FAM149A: variants seen among roughly 807,000 people sequenced by gnomAD.
FAM149A encodes family with sequence similarity 149 member A, also known as protein FAM149A.
A neutral mutation model predicts 78.2 loss-of-function variants in FAM149A; 71 were observed. The observed-to-expected ratio is 0.91, with a 90% CI of 0.75 to 1.11. The LOEUF is 1.11. FAM149A is among the 50% of genes least tolerant of loss of function. The pLI, the probability that FAM149A is intolerant of heterozygous loss-of-function variation, is 0.00. For synonymous variants in FAM149A, 446 were observed against 410.5 expected (o/e 1.09, Z -1.04); for missense variants, 1,036 against 971.0 (o/e 1.07, Z -0.89).
chr4:186,138,093 C>T (rs1156701545), intron 1 of FAM149A, among the ~76,000 whole-genome samples: 2 of 152,190 alleles, frequency 1.3e-5, no homozygotes, highest in Non-Finnish European at 2.9e-5. Context: ...TACAGAAAAG[C>T]AGCTCCCTAT....
chr4:186,131,504 C>T (rs2099320722), intron 1 of FAM149A, among the ~76,000 whole-genome samples: 1 of 152,234 alleles, frequency 6.6e-6, no homozygotes, highest in Non-Finnish European at 1.5e-5. Flanking sequence ...CTTGGACTTC[C>T]AGGCTCCATA....
chr4:186,164,362 C>A lies in FAM149A; in HGVS notation c.1889+729C>A. 1 of 543,082 alleles carries A rather than the reference C, an allele frequency of 1.8e-6. No homozygotes were observed. The highest frequency in any genetic ancestry group is 2.3e-6 in the Non-Finnish European group (1 of 425,810). 33.6% of individuals were successfully genotyped at this position (543,082 alleles called of 1,614,324 possible). On this transcript the variant is annotated intron_variant, in intron 10 of 13. Coordinates refer to ENST00000389354, the MANE Select transcript of FAM149A (RefSeq NM_001367768.3). This position sits in a 1 kb window ranked among gnomAD's most constrained non-coding sequence, Gnocchi z 4.0. Reference sequence around the variant, plus strand: ...CCCGCCAGGAAGAGGCCCAGCCGGACACACCCACAAGTGCTCTCAGGCTTT... The same window carrying A: ...CCCGCCAGGAAGAGGCCCAGCCGGAAACACCCACAAGTGCTCTCAGGCTTT...
intron 8 of FAM149A, among the ~76,000 whole-genome samples, chr4:186,159,561 T>C (rs1182189112): frequency 1.3e-5 from 2 of 152,136 alleles, no homozygotes; most frequent in African/African-American, 4.8e-5. Context: ...CTGGATATGT[T>C]GTTTAGCTTT....
At chr4:186,158,296 T>C in intron 8 of FAM149A, 3 of 1,220,330 alleles carry the variant, frequency 2.5e-6, no homozygotes, top group Non-Finnish European at 3.1e-6. Flanking sequence ...GAGAGGCGTC[T>C]TGGCTAGCCC....
intron 1 of FAM149A, among the ~76,000 whole-genome samples, chr4:186,135,233 C>T (rs925379833): frequency 5.9e-5 from 9 of 152,202 alleles, no homozygotes; most frequent in African/African-American, 2.2e-4. Context: ...TGCCTCTACT[C>T]TCACGTTTTT....
intron 1 of FAM149A, among the ~76,000 whole-genome samples, chr4:186,120,067 G>A (rs987061833): frequency 2.0e-5 from 3 of 152,174 alleles, no homozygotes; most frequent in African/African-American, 7.2e-5. Context: ...ATTTTTATAA[G>A]CATGTTTCAC....
Position 186,157,733 on chromosome 4 carries a change from C to T in FAM149A, c.1575+14C>T, listed in dbSNP as rs754589782. The T allele has an allele frequency of 3.5e-5, 56 of 1,596,574 alleles. No individual in the cohort carries two copies. Among genetic ancestry groups the T allele is most frequent in the Admixed American group, 6.9e-5 (4 of 58,374 alleles). ...AACCCGCCCCAGGTCGGTGCTTTCACACCCTTCTCCCTCTTGCCTTCACTC... is the reference window on the plus strand; with the variant it reads ...AACCCGCCCCAGGTCGGTGCTTTCATACCCTTCTCCCTCTTGCCTTCACTC... On this transcript the variant is annotated intron_variant, in intron 8 of 13. Transcript: ENST00000389354.
intron 9 of FAM149A, 92 bp downstream of exon 9, chr4:186,163,040 A>C: frequency 1.3e-6 from 1 of 789,618 alleles, no homozygotes; most frequent in South Asian, 1.5e-5. Flanking sequence ...GAGATCACGA[A>C]GGTCCCATTT....
chr4:186,125,169 G>C, intron 1 of FAM149A: 4 of 726,820 alleles, frequency 5.5e-6, no homozygotes, highest in Non-Finnish European at 6.7e-6. Flanking sequence ...TCAATGACTG[G>C]ACTATTGGAA....
At chr4:186,151,015 C>G in intron 3 of FAM149A, 1 of 985,318 alleles carries the variant, frequency 1.0e-6, no homozygotes. Context: ...TCTTTGCTTT[C>G]TTTAAAAGTG....
chr4:186,160,490 C>G, intron 8 of FAM149A, among the ~76,000 whole-genome samples: 1 of 146,456 alleles, frequency 6.8e-6, no homozygotes, highest in Non-Finnish European at 1.5e-5. Context: ...ACACCACACA[C>G]TATACAAACA....
chr4:186,105,310 C>G lies in FAM149A; in HGVS notation c.234C>G (p.Tyr78Ter). Reference sequence around the variant, plus strand: ...CCGCCCCGCTGCTCTCCTCCCCCTACTCCCGGGGCTCCGCCGCCAGCCGCG... The same window carrying G: ...CCGCCCCGCTGCTCTCCTCCCCCTAGTCCCGGGGCTCCGCCGCCAGCCGCG... The change falls in exon 1 of 14, where the codon TAC becomes TAG. Residue 78 changes from tyrosine to a stop codon, truncating the protein, a stop_gained. Coordinates refer to ENST00000389354, the MANE Select transcript of FAM149A (RefSeq NM_001367768.3). LOFTEE classifies it high-confidence loss of function. The G allele has an allele frequency of 8.5e-7, 1 of 1,171,054 alleles. No individual in the cohort carries two copies. The highest frequency in any genetic ancestry group is 1.1e-6 in the Non-Finnish European group (1 of 940,784). 72.5% of individuals were successfully genotyped at this position (1,171,054 alleles called of 1,614,324 possible).
At chr4:186,160,968 T>G (rs983963383) in intron 8 of FAM149A, 10 of 736,888 alleles carry the variant, frequency 1.4e-5, no homozygotes, top group Middle Eastern at 6.9e-4. Context: ...CTGTGAGAAT[T>G]AAAGGAGATA....
intron 3 of FAM149A, among the ~76,000 whole-genome samples, chr4:186,150,122 C>A (rs1420353465): frequency 7.7e-6 from 1 of 129,958 alleles, no homozygotes; most frequent in African/African-American, 2.5e-5. Context: ...ACCTTCACCC[C>A]CTACCGCTGG....
chr4:186,129,962 A>C (rs923842947), intron 1 of FAM149A: 1 of 152,202 alleles, frequency 6.6e-6, no homozygotes, highest in South Asian at 2.1e-4. Flanking sequence ...CTCTGTGAGA[A>C]GATATAAGAA....
chr4:186,155,080 A>G (rs1346008117), intron 6 of FAM149A: 1 of 279,412 alleles, frequency 3.6e-6, no homozygotes, highest in Non-Finnish European at 5.4e-6. Context: ...CTCCTCCCTC[A>G]GCCTCCCGAG....
At position 186,175,275 on chromosome 4, in the gene FAM149A, TAA is replaced by T. The variant is rs1735679760; in HGVS notation, c.*3291_*3292del. 8.9e-6 allele frequency among the ~76,000 whole-genome samples: 1 copy of T among 112,138 alleles called. No individual in the cohort carries two copies. Among genetic ancestry groups the T allele is most frequent in the African/African-American group, 2.8e-5 (1 of 35,946 alleles). The allele number at this position is 112,138 out of a possible 152,430, so 73.6% of individuals were successfully genotyped here. On this transcript the variant is annotated 3_prime_UTR_variant, in exon 14 of 14. Coordinates refer to ENST00000389354, the MANE Select transcript of FAM149A (RefSeq NM_001367768.3). Reference sequence around the variant, plus strand: ...TGATTCCTTAATTTCTAATAAAATATAAAAGTGTTAAAAGAGTTTTCAAAAAT... The same window carrying T: ...TGATTCCTTAATTTCTAATAAAATATAAGTGTTAAAAGAGTTTTCAAAAAT...
chr4:186,163,332 T>C (rs1331634321), intron 9 of FAM149A, 92 bp from the exon 10 acceptor site: 4 of 953,682 alleles, frequency 4.2e-6, no homozygotes, highest in Non-Finnish European at 6.8e-6. Flanking sequence ...GGTGCCAGAC[T>C]GTTCTAGGCA....
In FAM149A at chr4:186,104,768, C is replaced by T. The variant is rs1287273639; in HGVS notation, c.-309C>T. On this transcript the variant is annotated 5_prime_UTR_variant, in exon 1 of 14. Coordinates refer to ENST00000389354, the MANE Select transcript of FAM149A (RefSeq NM_001367768.3). Reference sequence around the variant, plus strand: ...CGGGCGGCGGGCGGCGGGCGGCGGGCGTCTGGGGCGGGCGGCGGCCGCGCT... The same window carrying T: ...CGGGCGGCGGGCGGCGGGCGGCGGGTGTCTGGGGCGGGCGGCGGCCGCGCT... Among the ~76,000 whole-genome samples, 1 of 142,570 alleles carries T rather than the reference C, an allele frequency of 7.0e-6. No homozygotes were observed. The highest frequency in any genetic ancestry group is 1.6e-5 in the Non-Finnish European group (1 of 64,282). The allele number at this position is 142,570 out of a possible 152,430, so 93.5% of individuals were successfully genotyped here.
Sources: gnomAD v4.1 joint callset for allele counts (sites outside exome capture counted in the v4.1 genomes callset) on GRCh38, gnomAD v4.1.1 for gene constraint, Gnocchi (gnomAD v3.1) non-coding constraint, MANE v1.5 for transcripts, NCBI Gene and HGNC (gene_info 2026-07-23, HGNC 2026-07-21) for gene names.